Variants in LRP1B observed in about 807,000 individuals in gnomAD.
LRP1B encodes LDL receptor related protein 1B, also known as low-density lipoprotein receptor-related protein 1B.
Under a neutral mutation model 556.6 loss-of-function variants are expected in LRP1B, and 217 were observed. That is an observed-to-expected ratio of 0.39 (90% CI 0.35 to 0.44). The LOEUF (loss-of-function observed/expected upper bound fraction) is 0.44, where lower values mean the gene tolerates loss of function less well. Among genes scored for constraint, LRP1B ranks in the 20% least tolerant of loss-of-function variants. The probability of loss-of-function intolerance (pLI) is 1.00; values close to 1 mark genes in which losing one functional copy is unlikely to be tolerated. For synonymous variants in LRP1B, 2,047 were observed against 1,865.8 expected (o/e 1.10, Z -2.50); for missense variants, 5,053 against 5,620.8 (o/e 0.90, Z 3.23).
chr2:141,425,152 G>A (rs1266888412), intron 3 of LRP1B, among the ~76,000 whole-genome samples: 3 of 151,374 alleles, frequency 2.0e-5, no homozygotes, highest in South Asian at 2.1e-4. Flanking sequence ...TCCCATCTAT[G>A]AGTGAGAACA....
intron 7 of LRP1B, among the ~76,000 whole-genome samples, chr2:141,126,352 A>G (rs1160523122): frequency 1.3e-5 from 2 of 151,932 alleles, no homozygotes; most frequent in Non-Finnish European, 2.9e-5. Context: ...CTATTTTCCA[A>G]CCATACCGCT....
intron 35 of LRP1B, among the ~76,000 whole-genome samples, chr2:140,757,466 A>T (rs966283455): frequency 6.6e-6 from 1 of 152,244 alleles, no homozygotes; most frequent in East Asian, 1.9e-4. Flanking sequence ...CAAAAAAAGC[A>T]ATGAAGTACT....
chr2:140,965,395 T>G (rs912675836), intron 18 of LRP1B, among the ~76,000 whole-genome samples: 2 of 151,686 alleles, frequency 1.3e-5, no homozygotes, highest in African/African-American at 4.8e-5. Context: ...TACCTCCACA[T>G]GGAGGATGAG....
At chr2:141,966,012 G>T (rs1314703210) in intron 1 of LRP1B, among the ~76,000 whole-genome samples, 1 of 151,600 alleles carries the variant, frequency 6.6e-6, no homozygotes, top group Non-Finnish European at 1.5e-5. Flanking sequence ...ACCTAAGGCT[G>T]GTTTTAAATC....
At position 140,701,656 on chromosome 2, in the gene LRP1B, T is replaced by C. The variant is rs1341358121; in HGVS notation, c.6427+65A>G. ...AGAAGAATTTCTAAGTTTGACAATG[T>C]TTTTAAAAATTGGAGAGAAATCACA... On this transcript the variant is annotated intron_variant, in intron 40 of 90. Transcript: ENST00000389484. The C allele has an allele frequency of 2.7e-6, 4 of 1,487,480 alleles. No individual in the cohort carries two copies. The African/African-American group carries it at 4.2e-5, about 16-fold the overall frequency. The allele number at this position is 1,487,480 out of a possible 1,614,324, so 92.1% of individuals were successfully genotyped here.
At chr2:141,110,932 A>G (rs893768520) in intron 7 of LRP1B, among the ~76,000 whole-genome samples, 1 of 152,212 alleles carries the variant, frequency 6.6e-6, no homozygotes, top group South Asian at 2.1e-4. Context: ...ATATATAGCC[A>G]CATTTTAAAA....
intron 43 of LRP1B, among the ~76,000 whole-genome samples, chr2:140,587,913 GAGAACAGAA>G: frequency 8.8e-6 from 1 of 113,682 alleles, no homozygotes; most frequent in African/African-American, 4.3e-5. Flanking sequence ...AGAAATCACA[GAGAACAGAA>G]AGAAGTGGCC....
At chr2:141,707,665 G>T (rs778808715) in intron 2 of LRP1B, among the ~76,000 whole-genome samples, 6 of 152,114 alleles carry the variant, frequency 3.9e-5, no homozygotes, top group Admixed American at 6.6e-5. Flanking sequence ...TGTCTGCCAC[G>T]TGTCAAGCAC....
At chr2:141,795,899 T>TATATATATATATATATAA (rs1247641787) in intron 2 of LRP1B, among the ~76,000 whole-genome samples, 28 of 77,010 alleles carry the variant, frequency 3.6e-4, no homozygotes, top group East Asian at 1.2e-3. Context: ...TATATATATA[T>TATATATATATATATATAA]AATCTTTAAG....
At chr2:141,815,121 GA>G (rs1696491058) in intron 1 of LRP1B, among the ~76,000 whole-genome samples, 1 of 152,080 alleles carries the variant, frequency 6.6e-6, no homozygotes. Flanking sequence ...AGAAGAAGGT[GA>G]AAGTAGAGCT....
At chr2:141,535,507 T>G (rs10186888) in intron 2 of LRP1B, among the ~76,000 whole-genome samples, 1 of 151,676 alleles carries the variant, frequency 6.6e-6, no homozygotes, top group East Asian at 1.9e-4. Context: ...AGAACTGCCA[T>G]TTCTAGTATT....
chr2:140,940,873 T>C (rs1695379792), intron 20 of LRP1B, among the ~76,000 whole-genome samples: 1 of 152,170 alleles, frequency 6.6e-6, no homozygotes, highest in Non-Finnish European at 1.5e-5. Flanking sequence ...TTGAACTAAT[T>C]TACATTCCCA....
At chr2:141,523,368 T>G (rs1684589902) in intron 2 of LRP1B, among the ~76,000 whole-genome samples, 1 of 152,138 alleles carries the variant, frequency 6.6e-6, no homozygotes, top group African/African-American at 2.4e-5. Context: ...TCTCAAATCC[T>G]TACTTTCTAG....
At chr2:141,119,630 T>C (rs1204043235) in intron 7 of LRP1B, among the ~76,000 whole-genome samples, 1 of 151,724 alleles carries the variant, frequency 6.6e-6, no homozygotes, top group Admixed American at 6.6e-5. Flanking sequence ...CCTGAAGAAA[T>C]CCAAAGCACT....
intron 3 of LRP1B, among the ~76,000 whole-genome samples, chr2:141,464,582 T>TTG (rs1380420850): frequency 2.3e-4 from 19 of 81,832 alleles, no homozygotes; most frequent in East Asian, 1.4e-3. Context: ...CTGGCTAATT[T>TTG]TGTATATATA....
At chr2:141,213,313 A>C (rs1682649014) in intron 6 of LRP1B, among the ~76,000 whole-genome samples, 1 of 152,146 alleles carries the variant, frequency 6.6e-6, no homozygotes, top group Non-Finnish European at 1.5e-5. Flanking sequence ...AATAAAGATT[A>C]ATAAAAACAA....
intron 20 of LRP1B, among the ~76,000 whole-genome samples, chr2:140,928,684 T>C (rs1262101779): frequency 2.0e-5 from 3 of 152,086 alleles, no homozygotes; most frequent in South Asian, 2.1e-4. Context: ...TAGAAATACA[T>C]TGTCAATATC....
Position 141,041,742 on chromosome 2 carries a change from C to T in LRP1B, c.1789+7244G>A, listed in dbSNP as rs542291159. ...CATTACAAAGAAGATTCTGAATGGT[C>T]ACAACATTAAGAAATGATAAATGTT... On this transcript the variant is annotated intron_variant, in intron 11 of 90. Transcript: ENST00000389484. Among the ~76,000 whole-genome samples, 52 of 152,164 alleles carry T rather than the reference C, an allele frequency of 3.4e-4. No individual in the cohort carries two copies. The East Asian group carries it at 9.9e-3, about 29-fold the overall frequency.
At chr2:140,526,194 A>G in intron 48 of LRP1B, 43 bp downstream of exon 48, 1 of 1,569,656 alleles carries the variant, frequency 6.4e-7, no homozygotes, top group East Asian at 2.2e-5. Context: ...CAATGCCAAA[A>G]GTGCCCAAGC....
Sources: gnomAD v4.1 joint callset for allele counts (sites outside exome capture counted in the v4.1 genomes callset) on GRCh38, gnomAD v4.1.1 for gene constraint, MANE v1.5 for transcripts, NCBI Gene and HGNC (gene_info 2026-07-23, HGNC 2026-07-21) for gene names.